ANKRD55: variants seen among roughly 807,000 people sequenced by gnomAD.
The protein encoded by ANKRD55 is ankyrin repeat domain 55, also known as ankyrin repeat domain-containing protein 55.
ANKRD55 carries 41 observed loss-of-function variants against 60.6 expected under a neutral mutation model. The ratio of observed to expected loss-of-function variants is 0.68; its 90% CI spans 0.53 to 0.88. ANKRD55 has a LOEUF of 0.88. ANKRD55 is among the 40% of genes least tolerant of loss of function. The pLI, the probability that ANKRD55 is intolerant of heterozygous loss-of-function variation, is 0.00. For synonymous variants in ANKRD55, 264 were observed against 290.3 expected, an observed-to-expected ratio of 0.91 and a Z score of 0.92; for missense variants, 732 against 767.6, an observed-to-expected ratio of 0.95 and a Z score of 0.55.
chr5:56,160,654 G>C (rs1206928902), intron 5 of ANKRD55: 1 of 152,204 alleles, frequency 6.6e-6, no homozygotes, highest in African/African-American at 2.4e-5. Context: ...CCTTTTTAAT[G>C]CATAGATTAT....
chr5:56,124,343 CCT>C (rs1757171391), intron 8 of ANKRD55, among the ~76,000 whole-genome samples: 1 of 152,004 alleles, frequency 6.6e-6, no homozygotes, highest in South Asian at 2.1e-4. Flanking sequence ...TTTCCTTCTA[CCT>C]CTTTTTATTA....
intron 3 of ANKRD55, 129 bp from the exon 4 acceptor site, chr5:56,176,411 G>A (rs1290298802): frequency 2.1e-6 from 2 of 959,066 alleles, no homozygotes; most frequent in Non-Finnish European, 3.1e-6. Flanking sequence ...GGACTGAAGG[G>A]AGATGAAGCT....
chr5:56,209,204 C>G (rs1014702053), intron 2 of ANKRD55, among the ~76,000 whole-genome samples: 7 of 151,952 alleles, frequency 4.6e-5, no homozygotes, highest in Admixed American at 2.6e-4. Context: ...TGATCTACCC[C>G]CCTCGGCCTC....
At position 56,176,209 on chromosome 5, in the gene ANKRD55, G is replaced by A. The variant is rs1758735231; in HGVS notation, c.255C>T (p.Ala85=). 1 of 1,614,026 alleles carries A rather than the reference G, an allele frequency of 6.2e-7. No homozygotes were observed. The highest frequency in any genetic ancestry group is 8.5e-7 in the Non-Finnish European group (1 of 1,180,052). The change falls in exon 4 of 12, where the codon GCC becomes GCT. Residue 85 remains alanine, a synonymous_variant. Coordinates refer to ENST00000341048, the MANE Select transcript of ANKRD55 (RefSeq NM_024669.3). The part of the protein sequence containing the change: ...DTVKLLLKMG[A]NINMQDAYGR... ...CATAAGCATCCTGCATGTTAATATT[G>A]GCTCCCATCTTCAACAGCAGCTTCA...
chr5:56,190,190 T>C (rs1759061123), intron 2 of ANKRD55, among the ~76,000 whole-genome samples: 1 of 152,242 alleles, frequency 6.6e-6, no homozygotes, highest in Admixed American at 6.5e-5. Flanking sequence ...TTTTTGTTGC[T>C]GGGTTGTAGG....
chr5:56,165,021 C>T (rs573649983), intron 5 of ANKRD55, among the ~76,000 whole-genome samples: 10 of 152,278 alleles, frequency 6.6e-5, no homozygotes, highest in African/African-American at 1.2e-4. Flanking sequence ...CTAATTGAAG[C>T]GTCCCTTAGC....
In ANKRD55 at chr5:56,102,212, C is replaced by T. The variant is rs141831108; in HGVS notation, c.1723+282G>A. On this transcript the variant is annotated intron_variant, in intron 11 of 11. Coordinates refer to ENST00000341048, the MANE Select transcript of ANKRD55 (RefSeq NM_024669.3). ...AACCAGCCTGGCCAACATGGCAAAA[C>T]CCCATCTCTACTAAAAAAAATACAA... Among the ~76,000 whole-genome samples, 877 of 151,960 alleles carry T rather than the reference C, an allele frequency of 5.8e-3. 7 individuals are homozygous for T. The highest frequency in any genetic ancestry group is 0.02 in the African/African-American group (810 of 41,450).
intron 5 of ANKRD55, among the ~76,000 whole-genome samples, chr5:56,165,816 C>T (rs1270470334): frequency 2.0e-5 from 3 of 152,056 alleles, no homozygotes; most frequent in Admixed American, 2.0e-4. Context: ...GTAATCCCAG[C>T]TACTCGGGAG....
intron 2 of ANKRD55, among the ~76,000 whole-genome samples, chr5:56,213,100 C>A (rs1344471660): frequency 6.6e-6 from 1 of 152,050 alleles, no homozygotes; most frequent in Non-Finnish European, 1.5e-5. Flanking sequence ...TATGGAAATG[C>A]ATACCATAGT....
At chr5:56,127,934 T>C (rs1009292986) in intron 7 of ANKRD55, among the ~76,000 whole-genome samples, 1 of 152,214 alleles carries the variant, frequency 6.6e-6, no homozygotes, top group Non-Finnish European at 1.5e-5. Context: ...CCATTGTTTA[T>C]ATTCTATGGC....
intron 2 of ANKRD55, among the ~76,000 whole-genome samples, chr5:56,187,292 A>T (rs1283705193): frequency 6.6e-6 from 1 of 152,228 alleles, no homozygotes; most frequent in South Asian, 2.1e-4. Context: ...ATCAGGTAGT[A>T]AAGAGAGCTC....
chr5:56,112,259 C>A (rs2111677899), intron 9 of ANKRD55, among the ~76,000 whole-genome samples: 1 of 152,162 alleles, frequency 6.6e-6, no homozygotes, highest in African/African-American at 2.4e-5. Context: ...TAGGCTTTCT[C>A]TGACAGAGAT....
chr5:56,149,964 C>G (rs1217164977), intron 6 of ANKRD55, among the ~76,000 whole-genome samples: 2 of 151,846 alleles, frequency 1.3e-5, no homozygotes, highest in Non-Finnish European at 2.9e-5. Flanking sequence ...GCCTCAGCCT[C>G]TCTAGTAGCT....
intron 2 of ANKRD55, among the ~76,000 whole-genome samples, chr5:56,189,576 C>G (rs1011638205): frequency 2.0e-5 from 3 of 152,158 alleles, no homozygotes; most frequent in Non-Finnish European, 4.4e-5. Context: ...AATCAATAAC[C>G]GTTGTCCTTT....
intron 2 of ANKRD55, among the ~76,000 whole-genome samples, chr5:56,200,185 C>T (rs1283850366): frequency 2.0e-5 from 3 of 152,016 alleles, no homozygotes; most frequent in African/African-American, 7.2e-5. Context: ...TAAACTAATA[C>T]TAAGGGGGTA....
At chr5:56,217,960 G>A (rs1413902843) in intron 2 of ANKRD55, among the ~76,000 whole-genome samples, 1 of 152,206 alleles carries the variant, frequency 6.6e-6, no homozygotes, top group Non-Finnish European at 1.5e-5. Context: ...CTCCAAACAG[G>A]AGTTTTGAAG....
At chr5:56,130,706 T>C (rs1757385739) in intron 7 of ANKRD55, among the ~76,000 whole-genome samples, 1 of 152,134 alleles carries the variant, frequency 6.6e-6, no homozygotes, top group Non-Finnish European at 1.5e-5. Flanking sequence ...GCAACTATGA[T>C]TAATGTGCTA....
At chr5:56,112,511 A>ACAAAAAAAACAAAAAAAAAAAAAC in intron 9 of ANKRD55, among the ~76,000 whole-genome samples, 1 of 81,526 alleles carries the variant, frequency 1.2e-5, no homozygotes, top group African/African-American at 5.4e-5. Flanking sequence ...TAGCAAAAAA[A>ACAAAAAAAACAAAAAAAAAAAAAC]AAAAAAAAAA....
chr5:56,207,737 C>T (rs1039620475), intron 2 of ANKRD55, among the ~76,000 whole-genome samples: 5 of 152,140 alleles, frequency 3.3e-5, no homozygotes, highest in South Asian at 2.1e-4. Context: ...GCTTGCAGGA[C>T]GGGATGTTGC....
Sources: gnomAD v4.1 joint callset for allele counts (sites outside exome capture counted in the v4.1 genomes callset) on GRCh38, gnomAD v4.1.1 for gene constraint, MANE v1.5 for transcripts, NCBI Gene and HGNC (gene_info 2026-07-23, HGNC 2026-07-21) for gene names.